PODN: variants seen among roughly 807,000 people sequenced by gnomAD.
The protein encoded by PODN is podocan.
In PODN, 40 loss-of-function variants were observed where a neutral mutation model predicts 52.7. The ratio of observed to expected loss-of-function variants is 0.76; its 90% CI spans 0.59 to 0.99. The LOEUF (loss-of-function observed/expected upper bound fraction) is 0.99. Ranked by LOEUF, PODN falls within the 50% of genes least tolerant of loss-of-function variation. The pLI is 0.00. For missense variants in PODN, 720 were observed against 815.1 expected, an observed-to-expected ratio of 0.88 and a Z score of 1.42; for synonymous variants, 396 against 377.9, an observed-to-expected ratio of 1.05 and a Z score of -0.56.
chr1:53,066,665 G>A (rs1347733800), intron 1 of PODN: 7 of 620,452 alleles, frequency 1.1e-5, no homozygotes, highest in South Asian at 5.7e-5. Context: ...TTGATATGAC[G>A]TGGGCTGGGA....
intron 1 of PODN, 143 bp downstream of exon 1, chr1:53,062,451 G>T: frequency 1.8e-6 from 1 of 560,360 alleles, no homozygotes; most frequent in Non-Finnish European, 2.7e-6. Context: ...GTAGGACCCT[G>T]CACCCAGGGC....
intron 6 of PODN, 51 bp from the exon 7 acceptor site, chr1:53,077,634 C>A: frequency 1.3e-6 from 2 of 1,532,856 alleles, no homozygotes; most frequent in South Asian, 1.2e-5. Flanking sequence ...AGGCCCTGAC[C>A]TTGCCCTCGG....
intron 10 of PODN, among the ~76,000 whole-genome samples, chr1:53,082,966 TGC>T (rs1199991516): frequency 6.6e-6 from 1 of 152,202 alleles, no homozygotes; most frequent in Non-Finnish European, 1.5e-5. Flanking sequence ...GTACACATGA[TGC>T]GTGCATGCAC....
intron 1 of PODN, among the ~76,000 whole-genome samples, chr1:53,062,553 G>T (rs1643973489): frequency 1.3e-5 from 2 of 152,192 alleles, no homozygotes; most frequent in Admixed American, 1.3e-4. Context: ...GCTGGTCCCC[G>T]TCCCCAGGCC....
chr1:53,065,504 A>T (rs1383159288), intron 1 of PODN, among the ~76,000 whole-genome samples: 1 of 152,194 alleles, frequency 6.6e-6, no homozygotes, highest in Admixed American at 6.5e-5. Context: ...CCACTCTCCA[A>T]GCCCTGTCTG....
At chr1:53,066,868 G>GT in intron 1 of PODN, 2 of 1,549,206 alleles carry the variant, frequency 1.3e-6, no homozygotes, top group South Asian at 1.2e-5. Flanking sequence ...AGCCTGCCTG[G>GT]TATGTGCACA....
Position 53,078,606 on chromosome 1 carries a change from C to T in PODN, c.1096C>T (p.Leu366=). 1 of 1,613,074 alleles carries T rather than the reference C, an allele frequency of 6.2e-7. No homozygotes were observed. Among genetic ancestry groups the T allele is most frequent in the African/African-American group, 1.3e-5 (1 of 75,080 alleles). The stretch of plus-strand genomic sequence containing the variant: ...CCTCAAGCGGTTGCACACGGTGCAC[C>T]TGTACAACAACGCGCTGGAGCGCGT... ...QGLKRLHTVH[L]YNNALERVPS... is the part of the protein sequence containing the mutation. The change falls in exon 8 of 11, where the codon CTG becomes TTG. Residue 366 remains leucine (L), a synonymous_variant. Transcript: ENST00000312553.
intron 3 of PODN, 50 bp downstream of exon 3, chr1:53,071,678 G>A: frequency 6.5e-7 from 1 of 1,548,588 alleles, no homozygotes; most frequent in Admixed American, 1.7e-5. Flanking sequence ...TGGGGCCTTG[G>A]GGGCCTGAAC....
chr1:53,082,617 A>G (rs1024749018), intron 10 of PODN, among the ~76,000 whole-genome samples: 1 of 152,218 alleles, frequency 6.6e-6, no homozygotes, highest in African/African-American at 2.4e-5. Flanking sequence ...GGAAAACCCC[A>G]GACTGCCGTG....
chr1:53,071,851 CTT>C (rs538594936), intron 3 of PODN, among the ~76,000 whole-genome samples: 1 of 147,086 alleles, frequency 6.8e-6, no homozygotes. Flanking sequence ...ATATTTCTTT[CTT>C]TTTTTTTTTG....
rs141267023 is a variant in PODN, at chr1:53,075,786, G to A, written c.472-76G>A. 9,498 of 1,278,782 alleles carry A rather than the reference G, an allele frequency of 7.4e-3. 65 individuals carry two copies. The highest frequency in any genetic ancestry group is 8.9e-3 in the Non-Finnish European group (8,045 of 900,954). 79.2% of individuals were successfully genotyped at this position (1,278,782 alleles called of 1,614,324 possible). A position where few individuals can be genotyped will look rare whatever the true frequency, so the allele number is the denominator to read the frequency against. On this transcript the variant is annotated intron_variant, in intron 4 of 10. Coordinates refer to ENST00000312553, the MANE Select transcript of PODN (RefSeq NM_153703.5). ...GGAGACACAGTGAAGGGGCCCCGGT[G>A]GGCAGCAGGCAGTGGGACCCACAGC...
At chr1:53,081,872 C>A in intron 9 of PODN, 109 bp from the exon 10 acceptor site, 1 of 1,473,660 alleles carries the variant, frequency 6.8e-7, no homozygotes, top group East Asian at 2.3e-5. Context: ...GCACCACTTT[C>A]CGGGAGGGCC....
At chr1:53,063,084 C>T in intron 1 of PODN, among the ~76,000 whole-genome samples, 1 of 152,204 alleles carries the variant, frequency 6.6e-6, no homozygotes, top group East Asian at 1.9e-4. Context: ...AGCCACAGCC[C>T]GGCCTGGGGC....
At position 53,074,713 on chromosome 1, in the gene PODN, C is replaced by T. The variant is rs181494969; in HGVS notation, c.471+43C>T. On this transcript the variant is annotated intron_variant, in intron 4 of 10. Transcript: ENST00000312553. ...GGGTGGGGGGTTGCTGCCCTGTCCT[C>T]TAGGCATTGTCTTCCCTGAGTTCCA... is the stretch of plus-strand genomic sequence containing the variant. The T allele has an allele frequency of 3.8e-4, 595 of 1,583,608 alleles. 2 individuals are homozygous for T. In the African/African-American group the frequency reaches 7.0e-3, roughly 19 times the overall value.
chr1:53,068,834 C>T (rs1458729374), intron 1 of PODN, among the ~76,000 whole-genome samples: 1 of 152,110 alleles, frequency 6.6e-6, no homozygotes. Context: ...TCAGCATCTT[C>T]CTCTATGGGC....
At chr1:53,070,447 G>A (rs987698232) in intron 2 of PODN, among the ~76,000 whole-genome samples, 1 of 152,356 alleles carries the variant, frequency 6.6e-6, no homozygotes, top group South Asian at 2.1e-4. Context: ...GTCGAGCCAG[G>A]CTCTGTCTGA....
At position 53,062,265 on chromosome 1, in the gene PODN, C is replaced by G; in HGVS notation, c.-99C>G. ...CGGAGCGCAGCTGAGACTGGGGGAG[C>G]GCGTTCGGCCTGTGGGGCGCCGCTC... is the stretch of plus-strand genomic sequence containing the variant. On this transcript the variant is annotated 5_prime_UTR_variant, in exon 1 of 11. Transcript: ENST00000312553. 3 of 1,271,620 alleles carry G rather than the reference C, an allele frequency of 2.4e-6. No homozygotes were observed. The highest frequency in any genetic ancestry group is 3.0e-6 in the Non-Finnish European group (3 of 1,001,904). The allele number at this position is 1,271,620 out of a possible 1,614,324, so 78.8% of individuals were successfully genotyped here.
In PODN at chr1:53,062,246, G is replaced by GC; in HGVS notation, c.-117dup. 1 of 1,275,380 alleles carries GC rather than the reference G, an allele frequency of 7.8e-7. No homozygotes were observed. Among genetic ancestry groups the GC allele is most frequent in the Non-Finnish European group, 1.0e-6 (1 of 1,004,006 alleles). 79.0% of individuals were successfully genotyped at this position (1,275,380 alleles called of 1,614,324 possible). ...TGGAAGGAGCCCGAGCCCGCGGAGC[G>GC]CAGCTGAGACTGGGGGAGCGCGTTC... On this transcript the variant is annotated 5_prime_UTR_variant, in exon 1 of 11. An upstream open reading frame in the 5' UTR gains an earlier in-frame stop. Transcript: ENST00000312553.
In PODN at chr1:53,082,042, C is replaced by T. The variant is rs763182763; in HGVS notation, c.1723C>T (p.Gln575Ter). Reference protein sequence around the residue: ...DSAFRRLKHLQVLDIEGNLEF... With the variant: ...DSAFRRLKHL ...TGCCTTCCGGAGGCTGAAGCACCTGCAGGTCTTGGACATTGAAGGCAACTT... is the reference window on the plus strand; with the variant it reads ...TGCCTTCCGGAGGCTGAAGCACCTGTAGGTCTTGGACATTGAAGGCAACTT... Residue 575 changes from glutamine to a stop codon, truncating the protein, a stop_gained, in exon 10 of 11, where the codon CAG becomes TAG. Transcript: ENST00000312553. LOFTEE classifies it high-confidence loss of function. The T allele has an allele frequency of 6.2e-7, 1 of 1,613,616 alleles. No homozygotes were observed. The highest frequency in any genetic ancestry group is 8.5e-7 in the Non-Finnish European group (1 of 1,179,838).
Sources: allele counts gnomAD v4.1 joint callset (sites outside exome capture counted in the v4.1 genomes callset), GRCh38; gene constraint gnomAD v4.1.1; transcripts MANE v1.5; gene names NCBI Gene and HGNC (gene_info 2026-07-23, HGNC 2026-07-21).